Variants in GRWD1 observed in about 807,000 individuals in gnomAD.
GRWD1 encodes glutamate rich WD repeat containing 1, also known as glutamate-rich WD repeat-containing protein 1.
In GRWD1, 29 loss-of-function variants were observed where a neutral mutation model predicts 45.3. The observed-to-expected ratio is 0.64, with a 90% CI of 0.48 to 0.87. The LOEUF (loss-of-function observed/expected upper bound fraction) is 0.87. Among genes scored for constraint, GRWD1 ranks in the 40% least tolerant of loss-of-function variants. The probability of loss-of-function intolerance (pLI) is 0.00; values close to 1 mark genes in which losing one functional copy is unlikely to be tolerated. For missense variants in GRWD1, 592 were observed against 618.8 expected (o/e 0.96, Z 0.46); for synonymous variants, 262 against 257.6 (o/e 1.02, Z -0.16).
intron 2 of GRWD1, 33 bp from the exon 3 acceptor site, chr19:48,446,648 C>T (rs763152638): frequency 7.8e-5 from 121 of 1,559,298 alleles, no homozygotes; most frequent in Non-Finnish European, 1.1e-4. Context: ...ATCCTGGAAT[C>T]TAGTGCCTAA....
chr19:48,446,497 C>A lies in GRWD1; in HGVS notation c.300C>A (p.Ser100Arg). 6.2e-7 allele frequency: 1 copy of A among 1,613,740 alleles called. No homozygotes were observed. The highest frequency in any genetic ancestry group is 8.5e-7 in the Non-Finnish European group (1 of 1,179,660). Reference protein sequence around the residue: ...CAGTQAESAQSNRLMMLRMHN... With the variant: ...CAGTQAESAQRNRLMMLRMHN... ...GGACCCAGGCTGAGAGCGCCCAGAGCAACAGGTAAGACCCGAGGCTTTTCC... is the reference window on the plus strand; with the variant it reads ...GGACCCAGGCTGAGAGCGCCCAGAGAAACAGGTAAGACCCGAGGCTTTTCC... The change falls in exon 2 of 7, where the codon AGC becomes AGA. Residue 100 changes from serine to arginine, a missense_variant. Transcript: ENST00000253237.
chr19:48,446,934 CTT>C (rs752488198), intron 3 of GRWD1, 91 bp downstream of exon 3: 30,670 of 589,392 alleles, frequency 0.052, 610 homozygotes, highest in Middle Eastern at 0.067. Flanking sequence ...TCCTCATGTT[CTT>C]TTTTTTTTTT....
rs1017877855 is a variant in GRWD1 at position 48,446,592 on chromosome 19, T to C, written c.306-89T>C. 3.8e-6 allele frequency: 6 copies of C among 1,560,994 alleles called. No individual in the cohort carries two copies. In the Admixed American group the frequency reaches 9.3e-5, roughly 24 times the overall value. On this transcript the variant is annotated intron_variant, in intron 2 of 6. Transcript: ENST00000253237. Reference sequence around the variant, plus strand: ...AGTTAGGGCTTCCAGTTTCTGCCTCTCGCAGATCCAGGAGTCTGGGTTTCC... The same window carrying C: ...AGTTAGGGCTTCCAGTTTCTGCCTCCCGCAGATCCAGGAGTCTGGGTTTCC...
Position 48,450,130 on chromosome 19 carries a change from C to G in GRWD1, c.469-183C>G, listed in dbSNP as rs542177745. Among the ~76,000 whole-genome samples the G allele has an allele frequency of 6.6e-6, 1 of 151,996 alleles. No homozygotes were observed. The highest frequency in any genetic ancestry group is 1.5e-5 in the Non-Finnish European group (1 of 68,006). ...CCCTGTGGAGAGCTGTCCCAGTTAC[C>G]ATGCTGGTTTTTGCAGGTTGTGATT... On this transcript the variant is annotated intron_variant, in intron 3 of 6. Transcript: ENST00000253237. This position sits in a 1 kb window ranked among gnomAD's most constrained non-coding sequence, Gnocchi z 5.1.
chr19:48,446,894 C>G (rs374005881), intron 3 of GRWD1, 51 bp downstream of exon 3: 193 of 1,506,304 alleles, frequency 1.3e-4, no homozygotes, highest in Admixed American at 4.1e-4. Flanking sequence ...CACATCTGAC[C>G]CATCCCCTGT....
In GRWD1 at chr19:48,456,604, C is replaced by CAGGCT. The variant is rs1416601838; in HGVS notation, c.*3583_*3584insTAGGC. 1.3e-5 allele frequency: 2 copies of CAGGCT among 152,224 alleles called. No homozygotes were observed. Among genetic ancestry groups the CAGGCT allele is most frequent in the Non-Finnish European group, 2.9e-5 (2 of 68,090 alleles). The allele number at this position is 152,224 out of a possible 1,614,324, so 9.4% of individuals were successfully genotyped here. On this transcript the variant is annotated 3_prime_UTR_variant, in exon 7 of 7. Coordinates refer to ENST00000253237, the MANE Select transcript of GRWD1 (RefSeq NM_031485.4). ...GGTCTTCTTTCCAAATGGAGTGTGC[C>CAGGCT]AGGCCCTGCCAAGAAGCCCCTGAGG...
In GRWD1 at chr19:48,448,904, A is replaced by G. The variant is rs146871070; in HGVS notation, c.469-1409A>G. 2.6e-3 allele frequency among the ~76,000 whole-genome samples: 392 copies of G among 152,334 alleles called. 2 individuals carry two copies. The highest frequency in any genetic ancestry group is 8.9e-3 in the African/African-American group (368 of 41,560). On this transcript the variant is annotated intron_variant, in intron 3 of 6. Coordinates refer to ENST00000253237, the MANE Select transcript of GRWD1 (RefSeq NM_031485.4). ...TAATTGGGAGACGTTGGAGGGTTTC[A>G]GGCAGAGGAAAGACAGGGTCTGACT... is the stretch of plus-strand genomic sequence containing the variant.
At chr19:48,447,283 G>T (rs1166867306) in intron 3 of GRWD1, among the ~76,000 whole-genome samples, 2 of 151,602 alleles carry the variant, frequency 1.3e-5, no homozygotes, top group African/African-American at 4.9e-5. Context: ...GTCTTGCTCT[G>T]TCGCTTAGAC....
chr19:48,447,432 G>A (rs1022114262), intron 3 of GRWD1, among the ~76,000 whole-genome samples: 9 of 151,480 alleles, frequency 5.9e-5, no homozygotes, highest in Non-Finnish European at 7.4e-5. Flanking sequence ...TAGTAGGGAC[G>A]GGGTTTCACA....
intron 1 of GRWD1, 31 bp downstream of exon 1, chr19:48,446,223 A>G: frequency 6.3e-7 from 1 of 1,585,314 alleles, no homozygotes; most frequent in East Asian, 2.3e-5. Context: ...CAGGGTCCTG[A>G]GGTGGCTGAT....
In GRWD1 at chr19:48,450,314, T is replaced by A. The variant is rs1475935896; in HGVS notation, c.470T>A (p.Val157Glu). Reference protein sequence around the residue: ...PHYGGINRVRVSWLGEEPVAG... With the variant: ...PHYGGINRVRESWLGEEPVAG... ...CCTTCCCCCACCGCTCTTCTGCAGG[T>A]GTCATGGCTGGGTGAAGAGCCTGTG... Residue 157 changes from valine (V) to glutamate (E), a missense_variant and splice_region_variant, in exon 4 of 7, where the codon GTG becomes GAG. By Grantham distance (121) the Val-to-Glu change is moderately radical (BLOSUM62 -2). Transcript: ENST00000253237. This position sits in a 1 kb window ranked among gnomAD's most constrained non-coding sequence, Gnocchi z 5.1. The A allele has an allele frequency of 6.2e-7, 1 of 1,610,108 alleles. No homozygotes were observed. The highest frequency in any genetic ancestry group is 8.5e-7 in the Non-Finnish European group (1 of 1,178,868).
At chr19:48,451,875 G>C (rs1206790300) in intron 6 of GRWD1, among the ~76,000 whole-genome samples, 1 of 152,178 alleles carries the variant, frequency 6.6e-6, no homozygotes, top group East Asian at 1.9e-4. Context: ...GGCCCACCAG[G>C]TCACACAGGG....
In GRWD1 at chr19:48,455,504, C is replaced by T. The variant is rs984613153; in HGVS notation, c.*2479C>T. 8 of 152,228 alleles carry T rather than the reference C, an allele frequency of 5.3e-5. No individual in the cohort carries two copies. The highest frequency in any genetic ancestry group is 1.2e-4 in the African/African-American group (5 of 41,450). The allele number at this position is 152,228 out of a possible 1,614,324, so 9.4% of individuals were successfully genotyped here. A position where few individuals can be genotyped will look rare whatever the true frequency, so the allele number is the denominator to read the frequency against. On this transcript the variant is annotated 3_prime_UTR_variant, in exon 7 of 7. Transcript: ENST00000253237. ...TTATATGGAAACATTAAGCTGCTCTCGCAGGTCAGGTGGAGGATCCCTTTC... is the reference window on the plus strand; with the variant it reads ...TTATATGGAAACATTAAGCTGCTCTTGCAGGTCAGGTGGAGGATCCCTTTC...
chr19:48,447,023 G>C (rs184039964), intron 3 of GRWD1, among the ~76,000 whole-genome samples, 180 bp downstream of exon 3: 83 of 140,516 alleles, frequency 5.9e-4, no homozygotes, highest in Admixed American at 2.5e-3. Flanking sequence ...TGCAACCTCT[G>C]CCTCCCAAAG....
In GRWD1 at chr19:48,453,217, G is replaced by A. The variant is rs1378418943; in HGVS notation, c.*192G>A. ...AGTGACCCCTCTCACCAAAGAACTC[G>A]GTTTAACCAGGGCTCTGTAAGACCA... is the stretch of plus-strand genomic sequence containing the variant. On this transcript the variant is annotated 3_prime_UTR_variant, in exon 7 of 7. Transcript: ENST00000253237. 5.8e-5 allele frequency: 33 copies of A among 565,028 alleles called. No homozygotes were observed. Among genetic ancestry groups the A allele is most frequent in the South Asian group, 5.1e-4 (21 of 41,538 alleles). The allele number at this position is 565,028 out of a possible 1,614,324, so 35.0% of individuals were successfully genotyped here.
rs1056852893 is a variant in GRWD1, at chr19:48,455,558, G to C, written c.*2533G>C. 2.6e-5 allele frequency: 4 copies of C among 152,362 alleles called. No individual in the cohort carries two copies. Among genetic ancestry groups the C allele is most frequent in the Admixed American group, 1.3e-4 (2 of 15,302 alleles). The allele number at this position is 152,362 out of a possible 1,614,324, so 9.4% of individuals were successfully genotyped here. On this transcript the variant is annotated 3_prime_UTR_variant, in exon 7 of 7. Coordinates refer to ENST00000253237, the MANE Select transcript of GRWD1 (RefSeq NM_031485.4). The stretch of plus-strand genomic sequence containing the variant: ...CCCGCCCTGCTTTTGCTAGGGGAGG[G>C]GGGTGCCCTGAGCCTGAGTCGCAGC...
In GRWD1 at chr19:48,450,223, G is replaced by T. The variant is rs1413760895; in HGVS notation, c.469-90G>T. 5 of 1,018,178 alleles carry T rather than the reference G, an allele frequency of 4.9e-6. No homozygotes were observed. The highest frequency in any genetic ancestry group is 5.9e-6 in the Non-Finnish European group (4 of 673,478). The allele number at this position is 1,018,178 out of a possible 1,614,324, so 63.1% of individuals were successfully genotyped here. On this transcript the variant is annotated intron_variant, in intron 3 of 6. Coordinates refer to ENST00000253237, the MANE Select transcript of GRWD1 (RefSeq NM_031485.4). The surrounding 1 kb of genome is among the most constrained non-coding windows in gnomAD (Gnocchi z 5.1). The stretch of plus-strand genomic sequence containing the variant: ...GGAGATCTGAGGAAGCGCACTTCTG[G>T]TTCTCTGGGATATGGGGAGCGTGGG...
Position 48,447,070 on chromosome 19 carries a change from CA to C in GRWD1, c.468+228del, listed in dbSNP as rs879034567. Among the ~76,000 whole-genome samples, 773 of 123,760 alleles carry C rather than the reference CA, an allele frequency of 6.2e-3. 16 individuals carry two copies. Among genetic ancestry groups the C allele is most frequent in the Non-Finnish European group, 7.9e-3 (485 of 61,546 alleles). 81.2% of individuals were successfully genotyped at this position (123,760 alleles called of 152,430 possible). A position where few individuals can be genotyped will look rare whatever the true frequency, so the allele number is the denominator to read the frequency against. On this transcript the variant is annotated intron_variant, in intron 3 of 6. Transcript: ENST00000253237. ...CAAGCGTGAGCCACCGTGCCTGGCCCATTTTTTTTTTTTTTTTTTTTGAGAT... is the reference window on the plus strand; with the variant it reads ...CAAGCGTGAGCCACCGTGCCTGGCCCTTTTTTTTTTTTTTTTTTTTGAGAT...
At chr19:48,446,899 C>T (rs200284584) in intron 3 of GRWD1, 56 bp downstream of exon 3, 5 of 1,469,466 alleles carry the variant, frequency 3.4e-6, no homozygotes, top group Non-Finnish European at 2.8e-6. Context: ...CTGACCCATC[C>T]CCTGTGTCCA....
Sources: gnomAD v4.1 joint callset for allele counts (sites outside exome capture counted in the v4.1 genomes callset) on GRCh38, gnomAD v4.1.1 for gene constraint, Gnocchi (gnomAD v3.1) non-coding constraint, MANE v1.5 for transcripts, NCBI Gene and HGNC (gene_info 2026-07-23, HGNC 2026-07-21) for gene names.